Variants in KIAA1328 observed in about 807,000 individuals in gnomAD.
The protein encoded by KIAA1328 is protein hinderin.
KIAA1328 carries 52 observed loss-of-function variants against 68.1 expected under a neutral mutation model. The observed-to-expected ratio is 0.76, with a 90% CI of 0.61 to 0.96. KIAA1328 has a LOEUF of 0.96. KIAA1328 is among the 40% of genes least tolerant of loss of function. The pLI, the probability that KIAA1328 is intolerant of heterozygous loss-of-function variation, is 0.00. For synonymous variants in KIAA1328, 232 were observed against 239.4 expected (o/e 0.97, Z 0.28); for missense variants, 641 against 677.6 (o/e 0.95, Z 0.60).
chr18:37,224,926 G>A lies in KIAA1328; in HGVS notation c.*2699G>A, dbSNP rs1006742841. 1 of 985,464 alleles carries A rather than the reference G, an allele frequency of 1.0e-6. No homozygotes were observed. The allele number at this position is 985,464 out of a possible 1,614,324, so 61.0% of individuals were successfully genotyped here. A position where few individuals can be genotyped will look rare whatever the true frequency, so the allele number is the denominator to read the frequency against. On this transcript the variant is annotated 3_prime_UTR_variant, in exon 10 of 10. Transcript: ENST00000280020. ...TCCCTAAGTAAGGCCCACAGTTCTT[G>A]ATGCAGAGAACCAAAGTGAATCATA...
At position 37,160,242 on chromosome 18, in the gene KIAA1328, A is replaced by G. The variant is rs781075631; in HGVS notation, c.1275A>G (p.Ser425=). 2.5e-6 allele frequency: 4 copies of G among 1,613,336 alleles called. No homozygotes were observed. Among genetic ancestry groups the G allele is most frequent in the Admixed American group, 1.7e-5 (1 of 59,940 alleles). Residue 425 remains serine, a synonymous_variant, in exon 8 of 10, where the codon TCA becomes TCG. Transcript: ENST00000280020. ...GTGATGGCTGGCTGCTTGGAACATC[A>G]TCATCTATTAAAAAGCACCAAGACC... ...SNCDGWLLGT[S]SSIKKHQDPP...
At position 36,945,174 on chromosome 18, in the gene KIAA1328, T is replaced by C. The variant is rs2050855363; in HGVS notation, c.449-14134T>C. 2.0e-5 allele frequency among the ~76,000 whole-genome samples: 3 copies of C among 152,182 alleles called. No homozygotes were observed. The South Asian group carries it at 6.2e-4, about 31-fold the overall frequency. The stretch of plus-strand genomic sequence containing the variant: ...TAGCCCCTTGATTTTAGTGATATTG[T>C]GAAACTTTTGTCTTTGAGTATTTTT... On this transcript the variant is annotated intron_variant, in intron 5 of 9. Transcript: ENST00000280020.
At chr18:36,975,374 G>T (rs2052425636) in intron 6 of KIAA1328, among the ~76,000 whole-genome samples, 1 of 151,826 alleles carries the variant, frequency 6.6e-6, no homozygotes, top group East Asian at 1.9e-4. Flanking sequence ...AGTAGAGACG[G>T]GGTTTCACCG....
At chr18:37,215,542 T>C (rs949601542) in intron 9 of KIAA1328, among the ~76,000 whole-genome samples, 1 of 152,206 alleles carries the variant, frequency 6.6e-6, no homozygotes, top group Non-Finnish European at 1.5e-5. Flanking sequence ...CTGCTGGATT[T>C]GGTTTGCCAG....
At chr18:37,049,678 A>G (rs189551805) in intron 6 of KIAA1328, among the ~76,000 whole-genome samples, 1 of 152,240 alleles carries the variant, frequency 6.6e-6, no homozygotes, top group East Asian at 1.9e-4. Context: ...ATCTATAGCC[A>G]CCTACACAAG....
intron 5 of KIAA1328, among the ~76,000 whole-genome samples, chr18:36,929,769 G>A (rs954952711): frequency 6.6e-6 from 1 of 152,018 alleles, no homozygotes; most frequent in Non-Finnish European, 1.5e-5. Context: ...CTGCAGCCTG[G>A]AAGAGGCTCC....
chr18:36,973,420 A>G (rs886711595), intron 6 of KIAA1328, among the ~76,000 whole-genome samples: 2 of 152,126 alleles, frequency 1.3e-5, no homozygotes, highest in African/African-American at 2.4e-5. Flanking sequence ...ACATGTATAC[A>G]TATGTAACAA....
At chr18:36,963,804 A>G (rs192558741) in intron 6 of KIAA1328, among the ~76,000 whole-genome samples, 168 of 152,202 alleles carry the variant, frequency 1.1e-3, no homozygotes, top group African/African-American at 3.9e-3. Context: ...TCATTCATCT[A>G]TCTCCCTTAC....
At chr18:37,005,305 C>A (rs1201550069) in intron 6 of KIAA1328, among the ~76,000 whole-genome samples, 2 of 151,938 alleles carry the variant, frequency 1.3e-5, no homozygotes, top group African/African-American at 2.4e-5. Flanking sequence ...GTATACATTT[C>A]TCAAAAGAAG....
At chr18:36,887,853 G>C (rs1025642248) in intron 5 of KIAA1328, among the ~76,000 whole-genome samples, 4 of 152,164 alleles carry the variant, frequency 2.6e-5, no homozygotes, top group Non-Finnish European at 4.4e-5. Context: ...AAAATCTATA[G>C]CATACAGTGG....
chr18:36,899,966 A>G (rs1019102964), intron 5 of KIAA1328, among the ~76,000 whole-genome samples: 13 of 151,962 alleles, frequency 8.6e-5, no homozygotes, highest in African/African-American at 2.9e-4. Context: ...TAAAAATTAA[A>G]TCCTTTAGTT....
Position 37,174,836 on chromosome 18 carries a change from G to GT in KIAA1328, c.1523+1762dup, listed in dbSNP as rs577136813. ...TCTTGATCTCCTGACCTTGTGATCT[G>GT]TTTTTTTGGTATTTTTAATAGGGAC... On this transcript the variant is annotated intron_variant, in intron 9 of 9. Transcript: ENST00000280020. Among the ~76,000 whole-genome samples the GT allele has an allele frequency of 2.6e-5, 4 of 151,856 alleles. No homozygotes were observed. In the East Asian group the frequency reaches 5.8e-4, roughly 22 times the overall value.
chr18:36,943,967 A>G (rs2050802506), intron 5 of KIAA1328, among the ~76,000 whole-genome samples: 1 of 152,220 alleles, frequency 6.6e-6, no homozygotes, highest in Non-Finnish European at 1.5e-5. Flanking sequence ...TAACACTATT[A>G]TCATGATGCT....
At chr18:37,046,989 G>T (rs2055496780) in intron 6 of KIAA1328, among the ~76,000 whole-genome samples, 2 of 152,138 alleles carry the variant, frequency 1.3e-5, no homozygotes, top group Non-Finnish European at 2.9e-5. Flanking sequence ...AAAATTAGCT[G>T]GGTGTGATGG....
intron 6 of KIAA1328, among the ~76,000 whole-genome samples, chr18:37,049,386 C>T (rs1363505300): frequency 6.6e-6 from 1 of 152,112 alleles, no homozygotes; most frequent in African/African-American, 2.4e-5. Flanking sequence ...GAAGTTAGGG[C>T]ATTTGAGCAC....
At chr18:37,072,965 C>T (rs1157377929) in intron 7 of KIAA1328, among the ~76,000 whole-genome samples, 1 of 152,126 alleles carries the variant, frequency 6.6e-6, no homozygotes, top group African/African-American at 2.4e-5. Context: ...TAGCCATATG[C>T]AGAAAACTGA....
chr18:37,117,057 C>T (rs375630803), intron 7 of KIAA1328, among the ~76,000 whole-genome samples: 6 of 152,266 alleles, frequency 3.9e-5, no homozygotes, highest in African/African-American at 1.4e-4. Context: ...TTTTACACTG[C>T]TGGTGGGACT....
intron 6 of KIAA1328, among the ~76,000 whole-genome samples, chr18:37,050,068 G>T (rs1315592702): frequency 6.6e-6 from 1 of 151,940 alleles, no homozygotes; most frequent in Non-Finnish European, 1.5e-5. Context: ...GAATTTAAAA[G>T]AACCCATTGA....
At chr18:36,926,197 A>G (rs960791267) in intron 5 of KIAA1328, among the ~76,000 whole-genome samples, 5 of 152,054 alleles carry the variant, frequency 3.3e-5, no homozygotes, top group African/African-American at 1.2e-4. Context: ...GGGAATATTT[A>G]TAGTCTATGC....
Sources: gnomAD v4.1 joint callset for allele counts (sites outside exome capture counted in the v4.1 genomes callset) on GRCh38, gnomAD v4.1.1 for gene constraint, MANE v1.5 for transcripts, NCBI Gene and HGNC (gene_info 2026-07-23, HGNC 2026-07-21) for gene names.